The following MASP2 variants were observed in gnomAD, a reference collection of about 807,000 sequenced individuals.
MASP2 encodes the protein mannan-binding lectin serine protease 2.
In MASP2, 49 loss-of-function variants were observed where a neutral mutation model predicts 57.1. That is an observed-to-expected ratio of 0.86 (90% CI 0.68 to 1.09). MASP2 has a LOEUF of 1.09. Among genes scored for constraint, MASP2 ranks in the 50% least tolerant of loss-of-function variants. The probability of loss-of-function intolerance (pLI) is 0.00; values close to 1 mark genes in which losing one functional copy is unlikely to be tolerated. For synonymous variants in MASP2, 379 were observed against 340.8 expected (o/e 1.11, Z -1.24); for missense variants, 900 against 874.8 (o/e 1.03, Z -0.36).
chr1:11,046,454 G>T, intron 3 of MASP2, 102 bp downstream of exon 3: 1 of 1,359,202 alleles, frequency 7.4e-7, no homozygotes, highest in Non-Finnish European at 1.0e-6. Flanking sequence ...CCTGCCCTGG[G>T]AAAGGTGGGG....
intron 8 of MASP2, among the ~76,000 whole-genome samples, chr1:11,032,560 G>A (rs1307418420): frequency 4.6e-5 from 7 of 150,540 alleles, no homozygotes; most frequent in Non-Finnish European, 8.8e-5. Context: ...TCAGTGAGTC[G>A]AGATTGTGCC....
In MASP2 at chr1:11,026,874, A is replaced by G. The variant is rs779532007; in HGVS notation, c.*11T>C. On this transcript the variant is annotated 3_prime_UTR_variant, in exon 11 of 11. Transcript: ENST00000400897. ...CTAAAAATGAAGAATCCTTGACTGCAGACACGCAAGTTAAAAATCACTAAT... is the reference window on the plus strand; with the variant it reads ...CTAAAAATGAAGAATCCTTGACTGCGGACACGCAAGTTAAAAATCACTAAT... The G allele has an allele frequency of 1.6e-5, 24 of 1,474,254 alleles. No individual in the cohort carries two copies. The highest frequency in any genetic ancestry group is 2.1e-5 in the Non-Finnish European group (23 of 1,114,528). 91.3% of individuals were successfully genotyped at this position (1,474,254 alleles called of 1,614,324 possible). A position where few individuals can be genotyped will look rare whatever the true frequency, so the allele number is the denominator to read the frequency against.
rs973173316 is a variant in MASP2 at position 11,030,169 on chromosome 1, C to T, written c.1297+7G>A. ...TTACCAGTCTCTTGTATAAATGTAT[C>T]CATTACCAGGCTCACAGACTGGGAG... On this transcript the variant is annotated splice_region_variant and intron_variant, in intron 10 of 10. Coordinates refer to ENST00000400897, the MANE Select transcript of MASP2 (RefSeq NM_006610.4). The T allele has an allele frequency of 1.9e-5, 30 of 1,603,298 alleles. No homozygotes were observed. Among genetic ancestry groups the T allele is most frequent in the Non-Finnish European group, 2.6e-5 (30 of 1,170,894 alleles).
At chr1:11,038,551 C>T (rs1329695290) in intron 6 of MASP2, among the ~76,000 whole-genome samples, 1 of 152,208 alleles carries the variant, frequency 6.6e-6, no homozygotes, top group African/African-American at 2.4e-5. Context: ...CCCCTAAAAA[C>T]CCACTGGTCA....
chr1:11,029,651 T>TTTC (rs1469406483), intron 10 of MASP2: 1 of 143,928 alleles, frequency 6.9e-6, no homozygotes, highest in East Asian at 2.0e-4. Context: ...TTTTTTTTTT[T>TTTC]TTTTTTGGAT....
At chr1:11,043,771 G>A (rs990766897) in intron 4 of MASP2, among the ~76,000 whole-genome samples, 3 of 152,114 alleles carry the variant, frequency 2.0e-5, no homozygotes, top group Admixed American at 1.3e-4. Context: ...CTTGCTTTGA[G>A]GCTTTAGCTG....
intron 4 of MASP2, chr1:11,045,088 G>A (rs1295007560): frequency 1.0e-5 from 9 of 876,266 alleles, no homozygotes; most frequent in Non-Finnish European, 1.7e-5. Context: ...AGGGAACCAG[G>A]GAACCAGGTC....
chr1:11,039,914 A>G (rs199799978), intron 6 of MASP2, among the ~76,000 whole-genome samples: 2 of 125,050 alleles, frequency 1.6e-5, no homozygotes, highest in Non-Finnish European at 3.3e-5. Context: ...ATGGATGGAT[A>G]GATGGATAGG....
chr1:11,045,127 C>T, intron 4 of MASP2: 1 of 748,372 alleles, frequency 1.3e-6, no homozygotes, highest in Non-Finnish European at 2.3e-6. Flanking sequence ...ATACCCCCGA[C>T]TCTCCCGTGG....
At chr1:11,036,545 A>AAAAG (rs1557670979) in intron 7 of MASP2, among the ~76,000 whole-genome samples, 1 of 148,590 alleles carries the variant, frequency 6.7e-6, no homozygotes, top group African/African-American at 2.5e-5. Context: ...AAACAAAAAA[A>AAAAG]AAAGAAACTA....
At chr1:11,045,672 G>A in intron 3 of MASP2, 133 bp from the exon 4 acceptor site, 1 of 1,006,114 alleles carries the variant, frequency 9.9e-7, no homozygotes. Flanking sequence ...GTGCGGGACT[G>A]GTGCCGGGCC....
intron 10 of MASP2, 35 bp from the exon 11 acceptor site, chr1:11,027,683 TA>T: frequency 3.2e-6 from 5 of 1,539,910 alleles, no homozygotes; most frequent in Non-Finnish European, 4.4e-6. Context: ...AGAGCCTTTG[TA>T]AAAATGTCAA....
At chr1:11,038,057 G>GA in intron 6 of MASP2, among the ~76,000 whole-genome samples, 1 of 152,308 alleles carries the variant, frequency 6.6e-6, no homozygotes, top group African/African-American at 2.4e-5. Flanking sequence ...TATGTGGGAA[G>GA]ATGGTGCAGT....
At chr1:11,032,858 G>A (rs1159896503) in intron 8 of MASP2, among the ~76,000 whole-genome samples, 1 of 151,900 alleles carries the variant, frequency 6.6e-6, no homozygotes, top group African/African-American at 2.4e-5. Context: ...GCAGTGAGCC[G>A]AGATGGCGCC....
chr1:11,027,527 T>C lies in MASP2; in HGVS notation c.1419A>G (p.Leu473=). The change falls in exon 11 of 11, where the codon TTA becomes TTG. Residue 473 remains leucine (L), a synonymous_variant. Coordinates refer to ENST00000400897, the MANE Select transcript of MASP2 (RefSeq NM_006610.4). The part of the protein sequence containing the change: ...LGGTTAAGAL[L]YDNWVLTAAH... ...CAGCTGTTAGGACCCAGTTGTCATA[T>C]AAAAGTGCACCTGCTGCTGTGGTTC... 4 of 1,614,196 alleles carry C rather than the reference T, an allele frequency of 2.5e-6. No homozygotes were observed. The highest frequency in any genetic ancestry group is 3.4e-6 in the Non-Finnish European group (4 of 1,180,036).
chr1:11,046,321 C>T (rs1339499815), intron 3 of MASP2: 4 of 582,924 alleles, frequency 6.9e-6, no homozygotes, highest in South Asian at 2.0e-5. Context: ...CCAGTCCCTG[C>T]GTCACTTGAG....
rs375893794 is a variant in MASP2 at position 11,043,235 on chromosome 1, C to T, written c.741+104G>A. 95 of 1,137,104 alleles carry T rather than the reference C, an allele frequency of 8.4e-5. 1 individual carries two copies. The African/African-American group carries it at 1.1e-3, about 13-fold the overall frequency. 70.4% of individuals were successfully genotyped at this position (1,137,104 alleles called of 1,614,324 possible). ...GAGCACCTGAAGAGGTGGGGGTCAC[C>T]GAGGGTGACGGGAACGTGGTGGGGG... is the stretch of plus-strand genomic sequence containing the variant. On this transcript the variant is annotated intron_variant, in intron 5 of 10. Transcript: ENST00000400897.
chr1:11,030,799 C>T lies in MASP2; in HGVS notation c.1171G>A (p.Val391Met), dbSNP rs925636428. 6.2e-7 allele frequency: 1 copy of T among 1,614,028 alleles called. No homozygotes were observed. Among genetic ancestry groups the T allele is most frequent in the Non-Finnish European group, 8.5e-7 (1 of 1,179,982 alleles). The stretch of plus-strand genomic sequence containing the variant: ...GTCTCTTCACAGCTGTACTGAATCA[C>T]AGCTTTGTAGGTGGTCACTCCAGGA... Reference protein sequence around the residue: ...TGPGVTTYKAVIQYSCEETFY... With the variant: ...TGPGVTTYKAMIQYSCEETFY... Residue 391 changes from valine (V) to methionine (M), a missense_variant, in exon 9 of 11, where the codon GTG (valine) becomes ATG (methionine). Transcript: ENST00000400897.
At chr1:11,044,122 C>T (rs1467207714) in intron 4 of MASP2, among the ~76,000 whole-genome samples, 1 of 152,202 alleles carries the variant, frequency 6.6e-6, no homozygotes, top group Non-Finnish European at 1.5e-5. Context: ...AGCCAGCCCC[C>T]TGGGTTCCTG....
Sources: allele counts gnomAD v4.1 joint callset (sites outside exome capture counted in the v4.1 genomes callset), GRCh38; gene constraint gnomAD v4.1.1; transcripts MANE v1.5; gene names NCBI Gene and HGNC (gene_info 2026-07-23, HGNC 2026-07-21).